Variants in DNAI7 observed in about 807,000 individuals in gnomAD.
DNAI7 encodes the protein dynein axonemal intermediate chain 7, also known as cancer susceptibility 1.
In DNAI7, 78 loss-of-function variants were observed where a neutral mutation model predicts 86.6. That is an observed-to-expected ratio of 0.90 (90% CI 0.75 to 1.09). DNAI7 has a LOEUF of 1.09. Among genes scored for constraint, DNAI7 ranks in the 50% least tolerant of loss-of-function variants. DNAI7 has a pLI of 0.00. For missense variants in DNAI7, 753 were observed against 810.2 expected, an observed-to-expected ratio of 0.93 and a Z score of 0.86; for synonymous variants, 274 against 273.0, an observed-to-expected ratio of 1.00 and a Z score of -0.04.
At chr12:25,136,272 G>A (rs1025768885) in intron 9 of DNAI7, among the ~76,000 whole-genome samples, 3 of 152,292 alleles carry the variant, frequency 2.0e-5, no homozygotes, top group Admixed American at 6.5e-5. Context: ...AACCTGGAGC[G>A]CAGTAGCTCC....
intron 2 of DNAI7, among the ~76,000 whole-genome samples, chr12:25,170,070 C>A (rs1947965490): frequency 6.6e-6 from 1 of 151,950 alleles, no homozygotes; most frequent in Admixed American, 6.6e-5. Context: ...TTAAAAGAGA[C>A]AAAGAGGGAT....
intron 2 of DNAI7, among the ~76,000 whole-genome samples, chr12:25,161,682 G>A (rs1946851826): frequency 1.3e-5 from 2 of 152,138 alleles, no homozygotes; most frequent in Admixed American, 1.3e-4. Context: ...TAGAGTAGGT[G>A]GTATTTAAAT....
In DNAI7 at chr12:25,174,498, C is replaced by G. The variant is rs1452846417; in HGVS notation, c.22-13301G>C. Among the ~76,000 whole-genome samples, 244 of 35,054 alleles carry G rather than the reference C, an allele frequency of 7.0e-3. 69 individuals are homozygous for G. Among genetic ancestry groups the G allele is most frequent in the African/African-American group, 0.02 (230 of 11,556 alleles). The allele number at this position is 35,054 out of a possible 152,430, so 23.0% of individuals were successfully genotyped here. A position where few individuals can be genotyped will look rare whatever the true frequency, so the allele number is the denominator to read the frequency against. On this transcript the variant is annotated intron_variant, in intron 2 of 15. Transcript: ENST00000395987. ...TATGGGATATATATATCATATATCC[C>G]ATATATATGGGATATATATATCATA...
intron 6 of DNAI7, among the ~76,000 whole-genome samples, chr12:25,150,992 A>C (rs1945474612): frequency 6.6e-6 from 1 of 152,264 alleles, no homozygotes; most frequent in Non-Finnish European, 1.5e-5. Context: ...GTTACTGTGC[A>C]TATTTTACAG....
At chr12:25,187,260 GTC>G (rs1950116364) in intron 2 of DNAI7, among the ~76,000 whole-genome samples, 1 of 152,058 alleles carries the variant, frequency 6.6e-6, no homozygotes, top group Non-Finnish European at 1.5e-5. Flanking sequence ...TCTAAACTAT[GTC>G]TGTTTCTCCT....
At chr12:25,190,296 G>C (rs949605402) in intron 2 of DNAI7, among the ~76,000 whole-genome samples, 1 of 152,042 alleles carries the variant, frequency 6.6e-6, no homozygotes, top group Non-Finnish European at 1.5e-5. Flanking sequence ...TATGTATCTA[G>C]AGTGAAGAAA....
intron 9 of DNAI7, among the ~76,000 whole-genome samples, chr12:25,130,381 C>G (rs1565672855): frequency 6.6e-6 from 1 of 151,102 alleles, no homozygotes; most frequent in African/African-American, 2.4e-5. Context: ...ACTAAAAATA[C>G]AAAAAATTAG....
intron 12 of DNAI7, among the ~76,000 whole-genome samples, chr12:25,116,307 T>C (rs1940086217): frequency 1.3e-5 from 2 of 152,144 alleles, no homozygotes; most frequent in African/African-American, 4.8e-5. Context: ...TAACAAATAA[T>C]TTTAATTTAT....
In DNAI7 at chr12:25,144,613, T is replaced by C; in HGVS notation, c.754A>G (p.Ser252Gly). ...GFEIPRILAT[S>G]DIAVRLLHTH... ...TGCAGGAGTCGTACAGCAATGTCAC[T>C]TGTTGCTAATATCCTTGGAATCTCA... Residue 252 changes from serine (S) to glycine (G), a missense_variant, in exon 9 of 16, where the codon AGT becomes GGT. By Grantham distance (56) the Ser-to-Gly change is moderately conservative. Transcript: ENST00000395987. 1 of 1,614,046 alleles carries C rather than the reference T, an allele frequency of 6.2e-7. No individual in the cohort carries two copies. Among genetic ancestry groups the C allele is most frequent in the Non-Finnish European group, 8.5e-7 (1 of 1,179,944 alleles).
At chr12:25,112,672 C>T (rs1173351884) in intron 13 of DNAI7, among the ~76,000 whole-genome samples, 1 of 151,898 alleles carries the variant, frequency 6.6e-6, no homozygotes, top group African/African-American at 2.4e-5. Context: ...TCCTAAAGCG[C>T]TGGGATTACA....
At position 25,159,109 on chromosome 12, in the gene DNAI7, T is replaced by A. The variant is rs371948949; in HGVS notation, c.107-546A>T. Among the ~76,000 whole-genome samples, 21 of 152,328 alleles carry A rather than the reference T, an allele frequency of 1.4e-4. No homozygotes were observed. In the South Asian group the frequency reaches 4.3e-3, roughly 32 times the overall value. ...GGGTATATACCCAAAGGATTATAAATCATGCTACTATAAAGACACATGACT... is the reference window on the plus strand; with the variant it reads ...GGGTATATACCCAAAGGATTATAAAACATGCTACTATAAAGACACATGACT... On this transcript the variant is annotated intron_variant, in intron 3 of 15. Transcript: ENST00000395987.
intron 3 of DNAI7, among the ~76,000 whole-genome samples, chr12:25,159,401 G>A (rs1946582952): frequency 6.7e-6 from 1 of 149,552 alleles, no homozygotes; most frequent in Non-Finnish European, 1.5e-5. Context: ...TCAAAATAAA[G>A]GTTGAGACAA....
At chr12:25,158,714 G>C (rs1946502587) in intron 3 of DNAI7, 151 bp from the exon 4 acceptor site, 2 of 1,479,530 alleles carry the variant, frequency 1.4e-6, no homozygotes, top group East Asian at 5.3e-5. Flanking sequence ...AAAAGTGTCA[G>C]TTCTCCTTTC....
intron 9 of DNAI7, 82 bp from the exon 10 acceptor site, chr12:25,123,368 T>G (rs1169058678): frequency 3.4e-5 from 28 of 820,146 alleles, no homozygotes; most frequent in Non-Finnish European, 5.0e-5. Context: ...AGTCCTCACT[T>G]CAGATGCCTG....
Position 25,119,232 on chromosome 12 carries a change from C to A in DNAI7, c.1309G>T (p.Ala437Ser). Residue 437 changes from alanine to serine, a missense_variant, in exon 12 of 16, where the codon GCT becomes TCT. Transcript: ENST00000395987. ...ETTEEFETEN[A>S]FPPIEVTLEV... ...AGTGTGACCTCTATAGGTGGGAAAG[C>A]ATTTTCTGTCTCAAACTCTTCTGTA... 1 of 1,611,848 alleles carries A rather than the reference C, an allele frequency of 6.2e-7. No individual in the cohort carries two copies. Among genetic ancestry groups the A allele is most frequent in the South Asian group, 1.1e-5 (1 of 90,912 alleles).
chr12:25,166,191 C>T (rs1333779867), intron 2 of DNAI7, among the ~76,000 whole-genome samples: 1 of 152,204 alleles, frequency 6.6e-6, no homozygotes, highest in Non-Finnish European at 1.5e-5. Flanking sequence ...TCGCCTGCTA[C>T]AGCATGGCCT....
chr12:25,193,980 C>A (rs1950788802), intron 1 of DNAI7, among the ~76,000 whole-genome samples: 1 of 152,138 alleles, frequency 6.6e-6, no homozygotes, highest in Non-Finnish European at 1.5e-5. Context: ...CGCCAACACG[C>A]CCGGCTAATT....
chr12:25,123,135 TA>T, intron 10 of DNAI7, 75 bp downstream of exon 10: 1 of 991,466 alleles, frequency 1.0e-6, no homozygotes, highest in Non-Finnish European at 1.5e-6. Context: ...TGAATTTTTT[TA>T]ACAATGATCC....
At chr12:25,127,551 C>T (rs923576730) in intron 9 of DNAI7, among the ~76,000 whole-genome samples, 2 of 152,090 alleles carry the variant, frequency 1.3e-5, no homozygotes, top group African/African-American at 4.8e-5. Context: ...AAGTAAATAA[C>T]AATTTCTAAA....
Sources: allele counts gnomAD v4.1 joint callset (sites outside exome capture counted in the v4.1 genomes callset), GRCh38; gene constraint gnomAD v4.1.1; transcripts MANE v1.5; gene names NCBI Gene and HGNC (gene_info 2026-07-23, HGNC 2026-07-21).